ADAP1: variants seen among roughly 807,000 people sequenced by gnomAD.
The protein encoded by ADAP1 is ArfGAP with dual PH domains 1, also known as arf-GAP with dual PH domain-containing protein 1.
A neutral mutation model predicts 54.9 loss-of-function variants in ADAP1; 31 were observed. The ratio of observed to expected loss-of-function variants is 0.56; its 90% CI spans 0.42 to 0.76. ADAP1 has a LOEUF of 0.76. Among genes scored for constraint, ADAP1 ranks in the 30% least tolerant of loss-of-function variants. ADAP1 has a pLI of 0.00. For synonymous variants in ADAP1, 313 were observed against 202.6 expected (o/e 1.55, Z -4.63); for missense variants, 535 against 512.4 (o/e 1.04, Z -0.42).
chr7:921,676 G>A (rs890425958), intron 3 of ADAP1, among the ~76,000 whole-genome samples: 1 of 152,176 alleles, frequency 6.6e-6, no homozygotes, highest in South Asian at 2.1e-4. Flanking sequence ...ACGTCTTTTC[G>A]GGGGACACCG....
chr7:902,137 C>T (rs1844848849), intron 6 of ADAP1, among the ~76,000 whole-genome samples: 1 of 151,264 alleles, frequency 6.6e-6, no homozygotes, highest in Non-Finnish European at 1.5e-5. Flanking sequence ...GCCTGACCAA[C>T]ATGGTGAAAC....
intron 1 of ADAP1, among the ~76,000 whole-genome samples, chr7:947,690 C>T (rs1847178640): frequency 6.6e-6 from 1 of 152,178 alleles, no homozygotes; most frequent in South Asian, 2.1e-4. Flanking sequence ...GGCCTAGCCA[C>T]CGCCACCCGG....
chr7:948,824 G>A (rs551120660), intron 1 of ADAP1, among the ~76,000 whole-genome samples: 3 of 152,250 alleles, frequency 2.0e-5, no homozygotes, highest in African/African-American at 7.2e-5. Flanking sequence ...AACCTCCCGA[G>A]TAGCTGGGAT....
intron 8 of ADAP1, among the ~76,000 whole-genome samples, 155 bp downstream of exon 8, chr7:899,947 C>T (rs1031911746): frequency 3.3e-5 from 5 of 152,202 alleles, no homozygotes; most frequent in Admixed American, 6.5e-5. Context: ...CCCGAGTCCT[C>T]GGGGACCCCG....
Position 900,108 on chromosome 7 carries a change from C to A in ADAP1, c.789G>T (p.Gly263=), listed in dbSNP as rs780119921. The A allele has an allele frequency of 6.2e-7, 1 of 1,613,092 alleles. No homozygotes were observed. The highest frequency in any genetic ancestry group is 1.3e-5 in the African/African-American group (1 of 74,948). ...YLKEGYMEKT[G]PKQTEGFRKR... is the part of the protein sequence containing the mutation. ...GCACGTGCGGCACACCCACCTTGGG[C>A]CCCGTCTTCTCCATGTAGCCTTCCT... Residue 263 remains glycine (G), a synonymous_variant, in exon 8 of 11, where the codon GGG becomes GGT. Transcript: ENST00000265846.
At chr7:924,494 G>A (rs183977701) in intron 3 of ADAP1, among the ~76,000 whole-genome samples, 24 of 55,430 alleles carry the variant, frequency 4.3e-4, no homozygotes, top group East Asian at 3.7e-3. Flanking sequence ...GCAGGTCCAC[G>A]CTGCACCCCC....
At chr7:921,945 C>T (rs1334148363) in intron 3 of ADAP1, among the ~76,000 whole-genome samples, 3 of 152,208 alleles carry the variant, frequency 2.0e-5, no homozygotes, top group Non-Finnish European at 2.9e-5. Flanking sequence ...GCCCCCAAGG[C>T]TCACACCCGC....
At chr7:909,349 G>GGA (rs1845623749) in intron 4 of ADAP1, among the ~76,000 whole-genome samples, 1 of 92,170 alleles carries the variant, frequency 1.1e-5, no homozygotes, top group South Asian at 4.2e-4. Flanking sequence ...GCAGGCGCCA[G>GGA]CGGGAACCCC....
intron 2 of ADAP1, among the ~76,000 whole-genome samples, chr7:929,514 C>CAAAA (rs71020548): frequency 4.5e-5 from 4 of 89,370 alleles, no homozygotes; most frequent in Admixed American, 1.2e-4. Flanking sequence ...CACCCTGTCT[C>CAAAA]AAAAAAAAAA....
At position 899,344 on chromosome 7, in the gene ADAP1, G is replaced by GC. The variant is rs1040067995; in HGVS notation, c.867+74dup. ...CAGGCCAGGACTCGGGAGGCCACCC[G>GC]CCCTCCTGGTCACGCATCTGGCAAC... On this transcript the variant is annotated intron_variant, in intron 9 of 10. Transcript: ENST00000265846. 7 of 1,604,124 alleles carry GC rather than the reference G, an allele frequency of 4.4e-6. No individual in the cohort carries two copies. The African/African-American group carries it at 9.4e-5, about 21-fold the overall frequency.
chr7:915,704 T>C (rs982504903), intron 4 of ADAP1, among the ~76,000 whole-genome samples: 2 of 152,096 alleles, frequency 1.3e-5, no homozygotes, highest in African/African-American at 4.8e-5. Flanking sequence ...AGGATTCCAG[T>C]TGGGCAGCCT....
chr7:913,794 G>A (rs911043626), intron 4 of ADAP1, among the ~76,000 whole-genome samples: 1 of 152,078 alleles, frequency 6.6e-6, no homozygotes, highest in African/African-American at 2.4e-5. Flanking sequence ...AATTAGCCGG[G>A]CGTGGTGGGG....
In ADAP1 at chr7:938,826, C is replaced by T. The variant is rs190036829; in HGVS notation, c.83-3321G>A. Reference sequence around the variant, plus strand: ...GGTTCTGCTCCGACAGTGTGGACCACGGACCCAGGCTTCCTGTCTCATGGC... The same window carrying T: ...GGTTCTGCTCCGACAGTGTGGACCATGGACCCAGGCTTCCTGTCTCATGGC... On this transcript the variant is annotated intron_variant, in intron 1 of 10. Transcript: ENST00000265846. The surrounding 1 kb of genome is among the most constrained non-coding windows in gnomAD (Gnocchi z 4.4). Among the ~76,000 whole-genome samples the T allele has an allele frequency of 7.2e-5, 11 of 152,332 alleles. No homozygotes were observed. The highest frequency in any genetic ancestry group is 9.6e-5 in the African/African-American group (4 of 41,568).
rs1458095173 is a variant in ADAP1, at chr7:905,298, C to T, written c.389-126G>A. ...GGGGGACACGGACGGGGGACACGGA[C>T]AGGGGGAGACGGACGGGGAGAGGGG... On this transcript the variant is annotated intron_variant, in intron 4 of 10. Transcript: ENST00000265846. 4.6e-5 allele frequency: 12 copies of T among 260,674 alleles called. No individual in the cohort carries two copies. The East Asian group carries it at 6.6e-4, about 14-fold the overall frequency. 16.1% of individuals were successfully genotyped at this position (260,674 alleles called of 1,614,324 possible).
chr7:929,927 A>AC (rs528664412), intron 2 of ADAP1, among the ~76,000 whole-genome samples: 2 of 151,410 alleles, frequency 1.3e-5, no homozygotes, highest in African/African-American at 4.9e-5. Flanking sequence ...ACATAGTGAG[A>AC]CCCCCGTCTC....
chr7:911,017 G>T (rs992245899), intron 4 of ADAP1, among the ~76,000 whole-genome samples: 1 of 152,184 alleles, frequency 6.6e-6, no homozygotes, highest in African/African-American at 2.4e-5. Flanking sequence ...TCCCTGCCTG[G>T]CCCGTCCACC....
chr7:905,456 GGAAAGGAGAAAGGAGAAAGGGAAAGGA>G (rs1845136273), intron 4 of ADAP1: 5 of 82,708 alleles, frequency 6.0e-5, no homozygotes, highest in Admixed American at 2.8e-4. Context: ...AGGGAGAAAG[GGAAAGGAGAAAGGAGAAAGGGAAAGGA>G]GAAAGGAGAA....
chr7:930,015 G>C (rs1416364290), intron 2 of ADAP1, among the ~76,000 whole-genome samples: 1 of 141,934 alleles, frequency 7.0e-6, no homozygotes, highest in Non-Finnish European at 1.5e-5. Flanking sequence ...GAGGTGAGAG[G>C]ATCGTTTGAG....
chr7:905,141 G>C lies in ADAP1; in HGVS notation c.420C>G (p.Gly140=), dbSNP rs370521482. The C allele has an allele frequency of 3.7e-6, 6 of 1,612,220 alleles. No individual in the cohort carries two copies. The African/African-American group carries it at 6.7e-5, about 18-fold the overall frequency. The change falls in exon 5 of 11, where the codon GGC becomes GGG. Residue 140 remains glycine, a synonymous_variant. Transcript: ENST00000265846. ...GGCTCAAAAACTGCCCGTTGTCCCG[G>C]CCACGCTTCCAGAGAAAACCCTCAC... is the stretch of plus-strand genomic sequence containing the variant. The part of the protein sequence containing the change: ...GYREGFLWKR[G]RDNGQFLSRK...
Sources: allele counts gnomAD v4.1 joint callset (sites outside exome capture counted in the v4.1 genomes callset), GRCh38; gene constraint gnomAD v4.1.1; non-coding constraint Gnocchi (gnomAD v3.1); transcripts MANE v1.5; gene names NCBI Gene and HGNC (gene_info 2026-07-23, HGNC 2026-07-21).